MEGF10: variants seen among roughly 807,000 people sequenced by gnomAD.
MEGF10 encodes the protein multiple epidermal growth factor-like domains protein 10.
Under a neutral mutation model 147.5 loss-of-function variants are expected in MEGF10, and 86 were observed. The observed-to-expected ratio is 0.58, with a 90% CI of 0.49 to 0.70. The LOEUF (loss-of-function observed/expected upper bound fraction) is 0.70, where lower values mean the gene tolerates loss of function less well. MEGF10 is among the 30% of genes least tolerant of loss of function. MEGF10 has a pLI of 0.00. For synonymous variants in MEGF10, 478 were observed against 525.5 expected, an observed-to-expected ratio of 0.91 and a Z score of 1.24; for missense variants, 1,329 against 1,487.3, an observed-to-expected ratio of 0.89 and a Z score of 1.75.
At position 127,408,721 on chromosome 5, in the gene MEGF10, A is replaced by G. The variant is rs538044629; in HGVS notation, c.918-1668A>G. Among the ~76,000 whole-genome samples, 10 of 152,318 alleles carry G rather than the reference A, an allele frequency of 6.6e-5. No individual in the cohort carries two copies. The South Asian group carries it at 2.1e-3, about 32-fold the overall frequency. On this transcript the variant is annotated intron_variant, in intron 8 of 24. Coordinates refer to ENST00000503335, the MANE Select transcript of MEGF10 (RefSeq NM_001256545.2). ...CTAGAATCTGTGAAACTAAATTTAC[A>G]TGAGATTCTTTTCCTTGTCTCCATC...
chr5:127,390,538 G>T (rs554358875), intron 5 of MEGF10, among the ~76,000 whole-genome samples: 18 of 152,162 alleles, frequency 1.2e-4, no homozygotes, highest in Admixed American at 9.2e-4. Context: ...TGATACTCTT[G>T]TCTCAGCTTC....
At chr5:127,254,810 G>A in the MEGF10 span, among the ~76,000 whole-genome samples, 226 of 144,366 alleles carry the variant, frequency 1.6e-3, 1 homozygote, top group Middle Eastern at 3.8e-3. Context: ...GACTCCATCT[G>A]AAAAAAAAAA....
the MEGF10 span, among the ~76,000 whole-genome samples, chr5:127,268,393 T>C: frequency 1.4e-4 from 22 of 152,380 alleles, no homozygotes; most frequent in South Asian, 2.7e-3. Context: ...ATGTGTATTC[T>C]GTTGATTTGG....
chr5:127,439,329 T>C (rs1482905813), intron 17 of MEGF10, among the ~76,000 whole-genome samples: 3 of 152,208 alleles, frequency 2.0e-5, no homozygotes, highest in Non-Finnish European at 4.4e-5. Context: ...GGAAGGCATG[T>C]GTTATGGTTA....
intron 6 of MEGF10, 67 bp from the exon 7 acceptor site, chr5:127,398,609 T>C (rs1383818681): frequency 6.3e-7 from 1 of 1,595,556 alleles, no homozygotes; most frequent in African/African-American, 1.3e-5. Context: ...GGACCCTGGG[T>C]ACAGTGAACC....
At chr5:127,262,492 G>A in the MEGF10 span, among the ~76,000 whole-genome samples, 7,634 of 152,130 alleles carry the variant, frequency 0.05, 322 homozygotes, top group African/African-American at 0.11. Flanking sequence ...GGACCAACCC[G>A]CAGTATTTAG....
At chr5:127,369,838 T>C in intron 4 of MEGF10, 72 bp from the exon 5 acceptor site, 1 of 1,183,726 alleles carries the variant, frequency 8.4e-7, no homozygotes, top group Non-Finnish European at 1.2e-6. Context: ...GACTTGGATG[T>C]GCAACAGCTG....
At chr5:127,341,880 C>G (rs1435407171) in intron 4 of MEGF10, among the ~76,000 whole-genome samples, 1 of 152,116 alleles carries the variant, frequency 6.6e-6, no homozygotes, top group African/African-American at 2.4e-5. Context: ...TCGTAAACTA[C>G]TCTAAAGGAC....
At chr5:127,297,702 T>G (rs1489002381) in intron 1 of MEGF10, among the ~76,000 whole-genome samples, 1 of 152,208 alleles carries the variant, frequency 6.6e-6, no homozygotes, top group African/African-American at 2.4e-5. Context: ...AATTTTATAA[T>G]AGGCACTTAC....
chr5:127,306,702 T>C (rs1221905628), intron 1 of MEGF10, among the ~76,000 whole-genome samples: 3 of 152,220 alleles, frequency 2.0e-5, no homozygotes, highest in African/African-American at 4.8e-5. Context: ...GGGCCTCAGA[T>C]TCCTTGTTGA....
chr5:127,460,322 G>A lies in MEGF10; in HGVS notation c.*3004G>A, dbSNP rs1339114208. ...TAATAAGGAAAATATGTTATTTGAGGTTAATTATATGATAGTGAGGAACAT... is the reference window on the plus strand; with the variant it reads ...TAATAAGGAAAATATGTTATTTGAGATTAATTATATGATAGTGAGGAACAT... On this transcript the variant is annotated 3_prime_UTR_variant, in exon 25 of 25. Coordinates refer to ENST00000503335, the MANE Select transcript of MEGF10 (RefSeq NM_001256545.2). 6.6e-6 allele frequency: 1 copy of A among 152,124 alleles called. No individual in the cohort carries two copies. Among genetic ancestry groups the A allele is most frequent in the Non-Finnish European group, 1.5e-5 (1 of 68,028 alleles). The allele number at this position is 152,124 out of a possible 1,614,324, so 9.4% of individuals were successfully genotyped here.
chr5:127,354,217 A>G (rs905912207), intron 4 of MEGF10, among the ~76,000 whole-genome samples: 1 of 152,176 alleles, frequency 6.6e-6, no homozygotes, highest in Non-Finnish European at 1.5e-5. Flanking sequence ...TCAGAAAACA[A>G]TGGGTTTTAA....
chr5:127,435,348 A>G lies in MEGF10; in HGVS notation c.1976-13A>G. 1 of 1,613,640 alleles carries G rather than the reference A, an allele frequency of 6.2e-7. No homozygotes were observed. The highest frequency in any genetic ancestry group is 2.2e-5 in the East Asian group (1 of 44,866). On this transcript the variant is annotated splice_polypyrimidine_tract_variant and intron_variant, in intron 15 of 24. Coordinates refer to ENST00000503335, the MANE Select transcript of MEGF10 (RefSeq NM_001256545.2). ...TTTTGATTGTGAGTTACTGACCTATAGCTTATTCACAGTGTGTCCCAGTGG... is the reference window on the plus strand; with the variant it reads ...TTTTGATTGTGAGTTACTGACCTATGGCTTATTCACAGTGTGTCCCAGTGG...
chr5:127,318,469 G>T (rs1420926699), intron 1 of MEGF10, among the ~76,000 whole-genome samples: 2 of 152,248 alleles, frequency 1.3e-5, no homozygotes, highest in South Asian at 4.1e-4. Context: ...TTAAATCATG[G>T]GAACATACCA....
At chr5:127,275,298 C>CA in the MEGF10 span, among the ~76,000 whole-genome samples, 1,297 of 152,282 alleles carry the variant, frequency 8.5e-3, 20 homozygotes, top group African/African-American at 0.03. Context: ...TACTACAGTG[C>CA]ATCAGGTGCT....
the MEGF10 span, among the ~76,000 whole-genome samples, chr5:127,268,055 T>G: frequency 6.6e-6 from 1 of 152,226 alleles, no homozygotes; most frequent in African/African-American, 2.4e-5. Context: ...TTGTGGGCAT[T>G]TAGTGCTATA....
intron 5 of MEGF10, among the ~76,000 whole-genome samples, chr5:127,395,732 G>C (rs1763885931): frequency 6.6e-6 from 1 of 151,890 alleles, no homozygotes; most frequent in Non-Finnish European, 1.5e-5. Flanking sequence ...TTTTAGTAGA[G>C]ATGGGGTTTC....
the MEGF10 span, among the ~76,000 whole-genome samples, chr5:127,240,153 A>G: frequency 2.6e-5 from 4 of 152,152 alleles, no homozygotes; most frequent in African/African-American, 9.7e-5. Context: ...CCCTACACCT[A>G]TGTAGAGGCT....
intron 5 of MEGF10, among the ~76,000 whole-genome samples, chr5:127,388,777 C>T (rs1355694782): frequency 2.0e-5 from 3 of 151,010 alleles, no homozygotes; most frequent in Non-Finnish European, 4.4e-5. Flanking sequence ...GATCTCCTGA[C>T]CTCGTGATCC....
Sources: gnomAD v4.1 joint callset for allele counts (sites outside exome capture counted in the v4.1 genomes callset) on GRCh38, gnomAD v4.1.1 for gene constraint, MANE v1.5 for transcripts, NCBI Gene and HGNC (gene_info 2026-07-23, HGNC 2026-07-21) for gene names.